The following NADSYN1 variants were observed in gnomAD, a reference collection of about 807,000 sequenced individuals.
NADSYN1 encodes glutamine-dependent NAD(+) synthetase.
In NADSYN1, 80 loss-of-function variants were observed where a neutral mutation model predicts 99.3. The observed-to-expected ratio is 0.81, with a 90% CI of 0.67 to 0.97. The LOEUF is 0.97. Among genes scored for constraint, NADSYN1 ranks in the 50% least tolerant of loss-of-function variants. The pLI, the probability that NADSYN1 is intolerant of heterozygous loss-of-function variation, is 0.00. For missense variants in NADSYN1, 859 were observed against 948.5 expected, an observed-to-expected ratio of 0.91 and a Z score of 1.24; for synonymous variants, 385 against 372.1, an observed-to-expected ratio of 1.03 and a Z score of -0.40.
At chr11:71,470,600 G>C (rs1949620569) in intron 5 of NADSYN1, among the ~76,000 whole-genome samples, 1 of 152,336 alleles carries the variant, frequency 6.6e-6, no homozygotes, top group Non-Finnish European at 1.5e-5. Flanking sequence ...ATTTCTGCAG[G>C]AGCCAGCTTT....
At position 71,473,300 on chromosome 11, in the gene NADSYN1, C is replaced by T. The variant is rs762585185; in HGVS notation, c.482C>T (p.Ala161Val). ...CAGGAAACCGTACCCTTCGGAGATGCGGTGCTGGTGACATGGGACACCTGC... is the reference window on the plus strand; with the variant it reads ...CAGGAAACCGTACCCTTCGGAGATGTGGTGCTGGTGACATGGGACACCTGC... ...TKQETVPFGD[A>V]VLVTWDTCIG... Residue 161 changes from alanine to valine, a missense_variant, in exon 7 of 21, where the codon GCG becomes GTG. Transcript: ENST00000319023. The T allele has an allele frequency of 2.2e-5, 36 of 1,614,064 alleles. No homozygotes were observed. Among genetic ancestry groups the T allele is most frequent in the Admixed American group, 1.2e-4 (7 of 60,010 alleles).
chr11:71,484,610 C>A, intron 15 of NADSYN1, 163 bp downstream of exon 15: 3 of 1,052,050 alleles, frequency 2.9e-6, no homozygotes, highest in South Asian at 1.7e-5. Context: ...GCCTGTATGC[C>A]TCACTGAAGA....
chr11:71,492,404 C>A (rs534177590), intron 18 of NADSYN1, among the ~76,000 whole-genome samples: 1 of 152,210 alleles, frequency 6.6e-6, no homozygotes, highest in South Asian at 2.1e-4. Flanking sequence ...TTCTAGTTTT[C>A]GTCCTTACAT....
At chr11:71,470,052 G>T (rs1162051575) in intron 5 of NADSYN1, among the ~76,000 whole-genome samples, 1 of 152,146 alleles carries the variant, frequency 6.6e-6, no homozygotes, top group Non-Finnish European at 1.5e-5. Context: ...TGGCTGGGGA[G>T]GCCTCACAAT....
In NADSYN1 at chr11:71,458,545, G is replaced by A. The variant is rs1041580908; in HGVS notation, c.263+1G>A. On this transcript the variant is annotated splice_donor_variant, in intron 3 of 20. Coordinates refer to ENST00000319023, the MANE Select transcript of NADSYN1 (RefSeq NM_018161.5). LOFTEE classifies it high-confidence loss of function. ...AGGACATCATCTGCGACGTGGGGAT[G>A]TAAGTGCCAGTGTGAGTGTGGAAGG... 5 of 1,597,448 alleles carry A rather than the reference G, an allele frequency of 3.1e-6. No individual in the cohort carries two copies. The highest frequency in any genetic ancestry group is 2.7e-5 in the African/African-American group (2 of 74,698).
intron 8 of NADSYN1, among the ~76,000 whole-genome samples, 156 bp from the exon 9 acceptor site, chr11:71,474,239 G>T (rs1244426817): frequency 6.6e-6 from 1 of 152,190 alleles, no homozygotes; most frequent in Non-Finnish European, 1.5e-5. Flanking sequence ...AGCTTCACAG[G>T]TCTGTGCTTC....
chr11:71,480,816 A>T lies in NADSYN1; in HGVS notation c.935A>T (p.Asp312Val), dbSNP rs574502483. The T allele has an allele frequency of 1.1e-5, 18 of 1,614,124 alleles. No homozygotes were observed. The highest frequency in any genetic ancestry group is 1.4e-5 in the Non-Finnish European group (17 of 1,180,028). Residue 312 changes from aspartate to valine, a missense_variant, in exon 11 of 21, where the codon GAC becomes GTC. Coordinates refer to ENST00000319023, the MANE Select transcript of NADSYN1 (RefSeq NM_018161.5). Reference protein sequence around the residue: ...KVDFALSCHEDLLAPISEPIE... With the variant: ...KVDFALSCHEVLLAPISEPIE... ...GACTTTGCCCTCTCGTGCCACGAGG[A>T]CTTGCTGGCACCCATCTCTGAGCCC...
intron 4 of NADSYN1, 66 bp downstream of exon 4, chr11:71,463,551 G>A: frequency 2.7e-6 from 4 of 1,483,612 alleles, no homozygotes; most frequent in Non-Finnish European, 3.7e-6. Context: ...GCTGAGGGCT[G>A]CCAGGACCCG....
intron 20 of NADSYN1, chr11:71,499,485 A>G (rs990470526): frequency 6.6e-6 from 1 of 152,356 alleles, no homozygotes; most frequent in East Asian, 1.9e-4. Flanking sequence ...ACACCCCTCT[A>G]TGAGTATGGT....
intron 9 of NADSYN1, chr11:71,475,760 G>A (rs1172199967): frequency 3.4e-6 from 1 of 295,342 alleles, no homozygotes; most frequent in East Asian, 9.6e-5. Flanking sequence ...TGTCACCCAG[G>A]CTGGAGTGCA....
At chr11:71,491,315 C>G (rs1275857190) in intron 17 of NADSYN1, among the ~76,000 whole-genome samples, 1 of 152,274 alleles carries the variant, frequency 6.6e-6, no homozygotes, top group Non-Finnish European at 1.5e-5. Context: ...GCAGATGGAT[C>G]AGTGTCCGGA....
intron 13 of NADSYN1, among the ~76,000 whole-genome samples, chr11:71,482,474 C>T (rs934781867): frequency 6.6e-6 from 1 of 150,702 alleles, no homozygotes; most frequent in Non-Finnish European, 1.5e-5. Flanking sequence ...CGTACGGGCA[C>T]CTGAGGGCTG....
At chr11:71,462,826 G>C (rs1333604474) in intron 3 of NADSYN1, among the ~76,000 whole-genome samples, 2 of 152,284 alleles carry the variant, frequency 1.3e-5, no homozygotes, top group Non-Finnish European at 2.9e-5. Context: ...TCTTCCCCTT[G>C]TGCTGCCCTG....
chr11:71,456,876 C>T (rs570836830), intron 2 of NADSYN1, among the ~76,000 whole-genome samples: 3 of 152,204 alleles, frequency 2.0e-5, no homozygotes, highest in South Asian at 2.1e-4. Context: ...CTGAGCACAC[C>T]GCCTCTTGTT....
chr11:71,484,669 G>A, intron 15 of NADSYN1: 2 of 599,430 alleles, frequency 3.3e-6, no homozygotes, highest in Non-Finnish European at 5.7e-6. Context: ...TGTGTGTGTT[G>A]GTGCATGAGC....
chr11:71,471,077 G>T (rs550780395), intron 5 of NADSYN1, among the ~76,000 whole-genome samples: 22 of 152,258 alleles, frequency 1.4e-4, no homozygotes, highest in African/African-American at 5.1e-4. Context: ...TTTATCAGTT[G>T]ATGTTGTCTT....
chr11:71,500,167 G>GCA (rs1949848217), intron 20 of NADSYN1: 1 of 152,260 alleles, frequency 6.6e-6, no homozygotes, highest in South Asian at 2.1e-4. Flanking sequence ...CACAACAGAG[G>GCA]CACACACAGG....
chr11:71,460,953 G>C (rs1421069774), intron 3 of NADSYN1: 1 of 152,162 alleles, frequency 6.6e-6, no homozygotes, highest in East Asian at 1.9e-4. Context: ...AAAAACGACT[G>C]TCTTATTTAT....
At chr11:71,480,504 T>C (rs1418126021) in intron 10 of NADSYN1, among the ~76,000 whole-genome samples, 1 of 152,116 alleles carries the variant, frequency 6.6e-6, no homozygotes, top group Non-Finnish European at 1.5e-5. Context: ...TGCCAGAGCG[T>C]TTGCCACACA....
Sources: allele counts gnomAD v4.1 joint callset (sites outside exome capture counted in the v4.1 genomes callset), GRCh38; gene constraint gnomAD v4.1.1; transcripts MANE v1.5; gene names NCBI Gene and HGNC (gene_info 2026-07-23, HGNC 2026-07-21).